Variants in DMD observed in about 807,000 individuals in gnomAD.
The protein encoded by DMD is dystrophin, also known as mutant dystrophin.
Under a neutral mutation model 330.1 loss-of-function variants are expected in DMD, and 63 were observed. That is an observed-to-expected ratio of 0.19 (90% CI 0.16 to 0.24). The LOEUF (loss-of-function observed/expected upper bound fraction) is 0.24, where lower values mean the gene tolerates loss of function less well. DMD is among the 10% of genes least tolerant of loss of function. The pLI is 1.00. For synonymous variants in DMD, 1,223 were observed against 959.8 expected, an observed-to-expected ratio of 1.27 and a Z score of -5.07; for missense variants, 3,344 against 2,684.1, an observed-to-expected ratio of 1.25 and a Z score of -5.43.
At chrX:32,968,609 C>A (rs2092257139) in intron 2 of DMD, among the ~76,000 whole-genome samples, 1 of 111,207 alleles carries the variant, frequency 9.0e-6, no homozygotes, top group African/African-American at 3.3e-5. Flanking sequence ...TTGTGTCCAC[C>A]CAAAATTCAT....
chrX:32,858,632 G>A (rs1370528530), intron 2 of DMD, among the ~76,000 whole-genome samples: 1 of 111,197 alleles, frequency 9.0e-6, no homozygotes, highest in South Asian at 3.7e-4. Flanking sequence ...CTGGACTTAT[G>A]TAAAAGTAAT....
chrX:32,823,090 T>A (rs895693954), intron 5 of DMD, among the ~76,000 whole-genome samples: 3 of 111,846 alleles, frequency 2.7e-5, no homozygotes, highest in Non-Finnish European at 5.7e-5. Flanking sequence ...TTTTGAAAAA[T>A]ATTCCTGTAA....
At chrX:32,232,986 G>A (rs1006782821) in intron 43 of DMD, among the ~76,000 whole-genome samples, 1 of 112,239 alleles carries the variant, frequency 8.9e-6, no homozygotes, top group African/African-American at 3.2e-5. Context: ...CTTCCTAAAC[G>A]TGTATGAAGC....
intron 2 of DMD, among the ~76,000 whole-genome samples, chrX:32,887,324 A>G (rs1268934494): frequency 1.9e-5 from 2 of 106,210 alleles, no homozygotes; most frequent in African/African-American, 3.5e-5. Context: ...TCCAGCCTGG[A>G]TGACAGAGCA....
At chrX:32,982,423 CA>C (rs894590731) in intron 2 of DMD, among the ~76,000 whole-genome samples, 5 of 111,043 alleles carry the variant, frequency 4.5e-5, no homozygotes, top group African/African-American at 9.8e-5. Context: ...TATGTAACAG[CA>C]AAAAAACTAC....
chrX:31,968,215 G>A (rs1337044941), intron 45 of DMD, 124 bp downstream of exon 45: 2 of 800,672 alleles, frequency 2.5e-6, no homozygotes, highest in Non-Finnish European at 3.7e-6. Flanking sequence ...TTGATTAATG[G>A]TTGATAGGTT....
rs183546277 is a variant in DMD at position 32,132,877 on chromosome X, T to C, written c.6438+84039A>G. Among the ~76,000 whole-genome samples the C allele has an allele frequency of 2.8e-3, 305 of 110,683 alleles. 1 individual carries two copies. Among genetic ancestry groups the C allele is most frequent in the Non-Finnish European group, 3.9e-3 (208 of 53,011 alleles). ...TCCTTTTGGTTATATAGCTAGAAAG[T>C]CAGGATATAGTAAAAGGAGACCCAA... On this transcript the variant is annotated intron_variant, in intron 44 of 78. Coordinates refer to ENST00000357033, the MANE Select transcript of DMD (RefSeq NM_004006.3).
intron 52 of DMD, among the ~76,000 whole-genome samples, chrX:31,726,793 G>A (rs1043442558): frequency 3.6e-5 from 4 of 111,916 alleles, no homozygotes; most frequent in East Asian, 2.8e-4. Context: ...CTTAATAAGC[G>A]CTATGACACA....
At chrX:32,372,337 T>G (rs1479336460) in intron 34 of DMD, among the ~76,000 whole-genome samples, 1 of 111,637 alleles carries the variant, frequency 9.0e-6, no homozygotes, top group Non-Finnish European at 1.9e-5. Flanking sequence ...TCCCTGTCCT[T>G]TTGCTGAATG....
At chrX:32,028,678 C>T (rs534424794) in intron 44 of DMD, among the ~76,000 whole-genome samples, 1 of 111,285 alleles carries the variant, frequency 9.0e-6, no homozygotes, top group Admixed American at 9.6e-5. Context: ...AAGTTGCTGC[C>T]GTCCTTCTTG....
At chrX:32,266,060 C>A (rs987643384) in intron 43 of DMD, among the ~76,000 whole-genome samples, 2 of 111,624 alleles carry the variant, frequency 1.8e-5, no homozygotes, top group South Asian at 3.7e-4. Flanking sequence ...TGTCCCCACC[C>A]AAATCTCATT....
intron 21 of DMD, among the ~76,000 whole-genome samples, chrX:32,482,460 A>G (rs1034814554): frequency 8.9e-6 from 1 of 111,796 alleles, no homozygotes; most frequent in African/African-American, 3.2e-5. Context: ...AGGGTACTCC[A>G]TGCTGTAGCA....
chrX:31,658,247 T>A, intron 53 of DMD, 103 bp from the exon 54 acceptor site: 6 of 889,459 alleles, frequency 6.7e-6, no homozygotes, highest in Non-Finnish European at 9.9e-6. Flanking sequence ...AATCCTCAGG[T>A]CAGAATACAT....
At chrX:31,476,684 G>A (rs188955511) in intron 59 of DMD, among the ~76,000 whole-genome samples, 2 of 110,523 alleles carry the variant, frequency 1.8e-5, no homozygotes, top group African/African-American at 6.6e-5. Context: ...GGAAGAAGCT[G>A]GGTAATGCAG....
chrX:32,253,551 A>C (rs1238341485), intron 43 of DMD, among the ~76,000 whole-genome samples: 1 of 110,387 alleles, frequency 9.1e-6, no homozygotes, highest in African/African-American at 3.3e-5. Flanking sequence ...ATCCTTACTC[A>C]TCAGGGTCTG....
intron 51 of DMD, among the ~76,000 whole-genome samples, chrX:31,760,675 C>T (rs897688582): frequency 2.4e-4 from 27 of 111,472 alleles, no homozygotes; most frequent in Admixed American, 1.3e-3. Flanking sequence ...TGCATTTCTC[C>T]GAATGTATAT....
intron 44 of DMD, among the ~76,000 whole-genome samples, chrX:32,124,353 GTCTGCTTTCAACAGC>G (rs2096651635): frequency 8.9e-6 from 1 of 112,213 alleles, no homozygotes; most frequent in Non-Finnish European, 1.9e-5. Flanking sequence ...CGAAGCTAGA[GTCTGCTTTCAACAGC>G]TCTGCTGTAT....
intron 27 of DMD, among the ~76,000 whole-genome samples, chrX:32,441,906 A>T (rs998502803): frequency 2.7e-5 from 3 of 111,308 alleles, no homozygotes; most frequent in African/African-American, 9.7e-5. Context: ...TATGGTAAAC[A>T]TCATCGTGAA....
At chrX:32,745,391 T>C (rs1371108412) in intron 7 of DMD, among the ~76,000 whole-genome samples, 2 of 112,201 alleles carry the variant, frequency 1.8e-5, no homozygotes, top group African/African-American at 6.5e-5. Flanking sequence ...CCCTATAGCC[T>C]CCTTAGCTTC....
Sources: allele counts gnomAD v4.1 joint callset (sites outside exome capture counted in the v4.1 genomes callset), GRCh38; gene constraint gnomAD v4.1.1; transcripts MANE v1.5; gene names NCBI Gene and HGNC (gene_info 2026-07-23, HGNC 2026-07-21).